PAX3: variants seen among roughly 807,000 people sequenced by gnomAD.
PAX3 encodes paired box 3, also known as paired box protein Pax-3.
PAX3 carries 14 observed loss-of-function variants against 51.6 expected under a neutral mutation model. That is an observed-to-expected ratio of 0.27 (90% CI 0.18 to 0.42). The LOEUF (loss-of-function observed/expected upper bound fraction) is 0.42, where lower values mean the gene tolerates loss of function less well. Among genes scored for constraint, PAX3 ranks in the 10% least tolerant of loss-of-function variants. The pLI is 1.00. For synonymous variants in PAX3, 280 were observed against 253.4 expected, an observed-to-expected ratio of 1.11 and a Z score of -1.00; for missense variants, 540 against 642.8, an observed-to-expected ratio of 0.84 and a Z score of 1.73.
At chr2:222,240,675 A>C (rs1692979469) in intron 4 of PAX3, among the ~76,000 whole-genome samples, 1 of 152,132 alleles carries the variant, frequency 6.6e-6, no homozygotes, top group Non-Finnish European at 1.5e-5. Context: ...GTACCTGTTT[A>C]AGCAACTCCT....
rs1220932103 is a variant in PAX3 at position 222,244,884 on chromosome 2, A to G, written c.587-12601T>C. ...AAAATTAGGCCGAGTGTGGTGGTGC[A>G]TGCCTGTAATCCCAGCACTTTGAGA... On this transcript the variant is annotated intron_variant, in intron 4 of 8. Coordinates refer to ENST00000392070, the MANE Select transcript of PAX3 (RefSeq NM_181458.4). Among the ~76,000 whole-genome samples the G allele has an allele frequency of 2.6e-5, 4 of 152,288 alleles. 1 individual carries two copies. The South Asian group carries it at 6.2e-4, about 24-fold the overall frequency.
intron 4 of PAX3, among the ~76,000 whole-genome samples, chr2:222,253,633 C>CTTTTTTTTTTTT (rs5838943): frequency 6.8e-6 from 1 of 146,476 alleles, no homozygotes; most frequent in Non-Finnish European, 1.5e-5. Flanking sequence ...CAAAACTTTT[C>CTTTTTTTTTTTT]TTTTTTTTTT....
At chr2:222,267,694 G>A (rs1168708580) in intron 4 of PAX3, among the ~76,000 whole-genome samples, 1 of 152,146 alleles carries the variant, frequency 6.6e-6, no homozygotes, top group South Asian at 2.1e-4. Flanking sequence ...TAGTTAAGCA[G>A]CTACTGCTCT....
chr2:222,238,642 T>C (rs1394219356), intron 4 of PAX3, among the ~76,000 whole-genome samples: 5 of 152,224 alleles, frequency 3.3e-5, no homozygotes, highest in African/African-American at 1.2e-4. Context: ...CTAGTCATAA[T>C]TTATTTACTA....
At chr2:222,245,815 CAAAAAA>C (rs10628623) in intron 4 of PAX3, among the ~76,000 whole-genome samples, 27 of 135,508 alleles carry the variant, frequency 2.0e-4, no homozygotes, top group African/African-American at 7.5e-4. Context: ...ACTAAAAATA[CAAAAAA>C]AAAAAAAAAA....
rs3997675 is a variant in PAX3, at chr2:222,291,969, GGTGTGTGTGTGTGTGT to G, written c.586+2182_586+2197del. On this transcript the variant is annotated intron_variant, in intron 4 of 8. Transcript: ENST00000392070. ...AATTAAATCAGGCTTCAGCCTCCAAGGTGTGTGTGTGTGTGTGTGTGTGTGTGTGTGTGTGTGTGTG... is the reference window on the plus strand; with the variant it reads ...AATTAAATCAGGCTTCAGCCTCCAAGGTGTGTGTGTGTGTGTGTGTGTGTG... Among the ~76,000 whole-genome samples, 109 of 133,726 alleles carry G rather than the reference GGTGTGTGTGTGTGTGT, an allele frequency of 8.2e-4. 1 individual carries two copies. The highest frequency in any genetic ancestry group is 1.1e-3 in the African/African-American group (40 of 35,370). 87.7% of individuals were successfully genotyped at this position (133,726 alleles called of 152,430 possible).
intron 4 of PAX3, among the ~76,000 whole-genome samples, chr2:222,282,560 C>G (rs1401348961): frequency 6.6e-6 from 1 of 152,154 alleles, no homozygotes; most frequent in Non-Finnish European, 1.5e-5. Flanking sequence ...CACTCTCTTA[C>G]TAGTTCAACC....
intron 4 of PAX3, chr2:222,293,654 A>T: frequency 1.2e-6 from 2 of 1,614,120 alleles, no homozygotes; most frequent in Non-Finnish European, 1.7e-6. Context: ...AGACATATTT[A>T]TAAGGCAGCC....
chr2:222,223,679 A>G (rs1692282556), intron 5 of PAX3, among the ~76,000 whole-genome samples: 1 of 152,240 alleles, frequency 6.6e-6, no homozygotes, highest in Non-Finnish European at 1.5e-5. Context: ...GTCCTCTGCA[A>G]CTATCTAGAC....
intron 4 of PAX3, among the ~76,000 whole-genome samples, chr2:222,252,977 C>T (rs1483788704): frequency 6.6e-6 from 1 of 152,148 alleles, no homozygotes; most frequent in Non-Finnish European, 1.5e-5. Context: ...ACTACTCTCC[C>T]AGAAATGCTA....
chr2:222,200,347 A>G lies in PAX3; in HGVS notation c.*1061T>C. 1 of 223,308 alleles carries G rather than the reference A, an allele frequency of 4.5e-6. No homozygotes were observed. Among genetic ancestry groups the G allele is most frequent in the South Asian group, 1.8e-4 (1 of 5,442 alleles). 13.8% of individuals were successfully genotyped at this position (223,308 alleles called of 1,614,324 possible). ...TGTTCTTGCCCTGCCTTTCATAGAA[A>G]AGAGAAGAATGTAAACGTAATCAGT... On this transcript the variant is annotated 3_prime_UTR_variant, in exon 9 of 9. Transcript: ENST00000392070.
At position 222,232,170 on chromosome 2, in the gene PAX3, G is replaced by A; in HGVS notation, c.700C>T (p.Leu234=). The change falls in exon 5 of 9, where the codon CTG becomes TTG. Residue 234 remains leucine, a synonymous_variant. Transcript: ENST00000392070. ...TTFTAEQLEE[L]ERAFERTHYP... is the part of the protein sequence containing the mutation. Reference sequence around the variant, plus strand: ...TGAGTTCTCTCAAAAGCACGCTCCAGTTCCTCCAGCTGTTCTGCTGTGAAG... The same window carrying A: ...TGAGTTCTCTCAAAAGCACGCTCCAATTCCTCCAGCTGTTCTGCTGTGAAG... 2 of 1,614,072 alleles carry A rather than the reference G, an allele frequency of 1.2e-6. No individual in the cohort carries two copies. Among genetic ancestry groups the A allele is most frequent in the South Asian group, 1.1e-5 (1 of 91,088 alleles).
chr2:222,263,466 T>G (rs1283258468), intron 4 of PAX3: 1 of 152,136 alleles, frequency 6.6e-6, no homozygotes, highest in Non-Finnish European at 1.5e-5. Context: ...AAAAAAATAT[T>G]GACAATACCA....
chr2:222,217,176 A>G (rs1691995812), intron 7 of PAX3, among the ~76,000 whole-genome samples: 1 of 152,218 alleles, frequency 6.6e-6, no homozygotes, highest in South Asian at 2.1e-4. Context: ...TGTTTTTTCT[A>G]CTTTATAGAC....
intron 4 of PAX3, among the ~76,000 whole-genome samples, chr2:222,244,521 C>G (rs997990130): frequency 1.3e-5 from 2 of 152,210 alleles, no homozygotes; most frequent in East Asian, 1.9e-4. Context: ...CCCTCTGCAC[C>G]TATTCCCCTT....
chr2:222,284,427 A>G (rs917806330), intron 4 of PAX3, among the ~76,000 whole-genome samples: 5 of 152,238 alleles, frequency 3.3e-5, no homozygotes, highest in Non-Finnish European at 7.3e-5. Context: ...AAAAGAGAAA[A>G]GTAACCTTTT....
rs142646752 is a variant in PAX3, at chr2:222,275,420, G to C, written c.586+18747C>G. Among the ~76,000 whole-genome samples, 655 of 149,596 alleles carry C rather than the reference G, an allele frequency of 4.4e-3. 5 individuals are homozygous for C. The highest frequency in any genetic ancestry group is 0.015 in the African/African-American group (610 of 40,798). ...AAATATTAGTTTGGATATTTTATAT[G>C]CTCTAAAATTGTCTAGAACAAAAAA... On this transcript the variant is annotated intron_variant, in intron 4 of 8. Transcript: ENST00000392070.
intron 7 of PAX3, among the ~76,000 whole-genome samples, chr2:222,211,702 C>T (rs10169980): frequency 0.031 from 4,696 of 152,202 alleles, 219 homozygotes; most frequent in African/African-American, 0.1. Context: ...AGGAAATGTT[C>T]CTTAAAACTT....
chr2:222,217,424 C>T (rs559129924), intron 7 of PAX3, among the ~76,000 whole-genome samples: 18 of 152,144 alleles, frequency 1.2e-4, no homozygotes, highest in Non-Finnish European at 2.5e-4. Context: ...CTATAATGGA[C>T]AAGATCCTAG....
Sources: allele counts gnomAD v4.1 joint callset (sites outside exome capture counted in the v4.1 genomes callset), GRCh38; gene constraint gnomAD v4.1.1; transcripts MANE v1.5; gene names NCBI Gene and HGNC (gene_info 2026-07-23, HGNC 2026-07-21).